The following KALRN variants were observed in gnomAD, a reference collection of about 807,000 sequenced individuals.
The protein encoded by KALRN is kalirin RhoGEF kinase, also known as kalirin.
A neutral mutation model predicts 353.7 loss-of-function variants in KALRN; 70 were observed. The observed-to-expected ratio is 0.20, with a 90% CI of 0.16 to 0.24. The LOEUF is 0.24. KALRN is among the 10% of genes least tolerant of loss of function. The pLI is 1.00. For synonymous variants in KALRN, 1,391 were observed against 1,434.8 expected (o/e 0.97, Z 0.69); for missense variants, 2,791 against 3,756.7 (o/e 0.74, Z 6.72).
chr3:124,654,836 T>C (rs368463589), intron 38 of KALRN, among the ~76,000 whole-genome samples: 1 of 117,884 alleles, frequency 8.5e-6, no homozygotes, highest in Non-Finnish European at 1.9e-5. Context: ...GGTTTTACAA[T>C]ACCTACCTTA....
At chr3:124,602,104 A>G (rs2076871261) in intron 34 of KALRN, among the ~76,000 whole-genome samples, 1 of 152,142 alleles carries the variant, frequency 6.6e-6, no homozygotes, top group Non-Finnish European at 1.5e-5. Flanking sequence ...TTCAATAACC[A>G]TACATACCAG....
At chr3:124,402,200 C>G (rs2090960622) in intron 13 of KALRN, among the ~76,000 whole-genome samples, 1 of 152,210 alleles carries the variant, frequency 6.6e-6, no homozygotes, top group Non-Finnish European at 1.5e-5. Context: ...GCACCAATCT[C>G]TTTGTACTCA....
chr3:124,481,499 G>T (rs1435915289), intron 27 of KALRN, among the ~76,000 whole-genome samples: 1 of 152,152 alleles, frequency 6.6e-6, no homozygotes, highest in African/African-American at 2.4e-5. Flanking sequence ...GAGCCACCAT[G>T]CCCCGCCTGT....
Position 124,658,525 on chromosome 3 carries a change from G to A in KALRN, c.6123+8G>A. 6.2e-7 allele frequency: 1 copy of A among 1,612,516 alleles called. No homozygotes were observed. The highest frequency in any genetic ancestry group is 8.5e-7 in the Non-Finnish European group (1 of 1,178,522). ...TATGACGCCTACTTTGAGGTAAGCT[G>A]TGCAGGCTTTGCTGAACTGGGGTGG... On this transcript the variant is annotated splice_region_variant and intron_variant, in intron 42 of 59. Coordinates refer to ENST00000682506, the MANE Select transcript of KALRN (RefSeq NM_001388419.1).
At chr3:124,126,072 A>G (rs1266278443) in intron 1 of KALRN, among the ~76,000 whole-genome samples, 1 of 152,190 alleles carries the variant, frequency 6.6e-6, no homozygotes, top group East Asian at 1.9e-4. Context: ...TTTTGCCTTC[A>G]TCGTTTGCCT....
chr3:124,529,460 T>C (rs758510910), intron 33 of KALRN, among the ~76,000 whole-genome samples: 20 of 152,116 alleles, frequency 1.3e-4, no homozygotes, highest in Non-Finnish European at 1.9e-4. Context: ...CATGATCTGG[T>C]AGGCAAAACT....
At chr3:124,143,004 T>TC (rs2066826382) in intron 1 of KALRN, among the ~76,000 whole-genome samples, 1 of 152,120 alleles carries the variant, frequency 6.6e-6, no homozygotes, top group Non-Finnish European at 1.5e-5. Flanking sequence ...CTTTTTTTTT[T>TC]CACTTTTCTA....
intron 3 of KALRN, among the ~76,000 whole-genome samples, chr3:124,235,594 G>A (rs1579808617): frequency 6.6e-6 from 1 of 152,200 alleles, no homozygotes; most frequent in African/African-American, 2.4e-5. Context: ...GCAGATACAT[G>A]TCATGTCCTG....
intron 1 of KALRN, among the ~76,000 whole-genome samples, chr3:124,119,638 A>G (rs1253864860): frequency 6.6e-6 from 1 of 152,226 alleles, no homozygotes; most frequent in Non-Finnish European, 1.5e-5. Context: ...ATGAGCAGGG[A>G]TCAGATCATT....
In KALRN at chr3:124,414,855, C is replaced by T. The variant is rs901960382; in HGVS notation, c.2542+1190C>T. On this transcript the variant is annotated intron_variant, in intron 14 of 59. Transcript: ENST00000682506. ...CCATCAACTATAAAACGCAGTTGGG[C>T]CATGTCCCTGCTTATCCTGAAGGAT... is the stretch of plus-strand genomic sequence containing the variant. Among the ~76,000 whole-genome samples, 4 of 152,300 alleles carry T rather than the reference C, an allele frequency of 2.6e-5. No individual in the cohort carries two copies. The South Asian group carries it at 8.3e-4, about 32-fold the overall frequency.
At chr3:124,594,137 C>T (rs13085037) in intron 34 of KALRN, among the ~76,000 whole-genome samples, 40,466 of 152,136 alleles carry the variant, frequency 0.27, 6,034 homozygotes, top group East Asian at 0.43. Context: ...GTATGTTTAC[C>T]GCTTTTTACT....
chr3:124,439,518 AGT>A (rs1256134982), intron 18 of KALRN, among the ~76,000 whole-genome samples: 2 of 152,232 alleles, frequency 1.3e-5, no homozygotes, highest in Admixed American at 1.3e-4. Flanking sequence ...ATTTTTTGAT[AGT>A]AATATCAAAA....
At chr3:124,057,686 G>C (rs2041671388) in intron 1 of KALRN, among the ~76,000 whole-genome samples, 1 of 152,124 alleles carries the variant, frequency 6.6e-6, no homozygotes, top group Admixed American at 6.5e-5. Context: ...CCTGGCCGAG[G>C]CACAGTTGTT....
intron 1 of KALRN, among the ~76,000 whole-genome samples, chr3:124,160,303 C>G (rs1051288125): frequency 6.6e-5 from 10 of 151,950 alleles, no homozygotes; most frequent in African/African-American, 2.2e-4. Flanking sequence ...ATGGGCCAAG[C>G]CATCCCTGCA....
chr3:124,170,374 A>T (rs2071563853), intron 1 of KALRN, among the ~76,000 whole-genome samples: 1 of 152,332 alleles, frequency 6.6e-6, no homozygotes, highest in South Asian at 2.1e-4. Context: ...TGATCTATGC[A>T]TGCAAAATCC....
At chr3:124,619,482 C>CTT (rs59009780) in intron 34 of KALRN, among the ~76,000 whole-genome samples, 12,291 of 104,224 alleles carry the variant, frequency 0.12, 807 homozygotes, top group East Asian at 0.2. Context: ...TATTTTCCTT[C>CTT]TTTTTTTTTT....
chr3:124,675,612 T>A (rs923594454), intron 49 of KALRN, among the ~76,000 whole-genome samples: 1 of 151,596 alleles, frequency 6.6e-6, no homozygotes, highest in Non-Finnish European at 1.5e-5. Flanking sequence ...TTTTTGTTGC[T>A]GAAGTTCTGA....
chr3:124,284,989 GT>G (rs1209319307), intron 5 of KALRN, among the ~76,000 whole-genome samples: 1 of 152,156 alleles, frequency 6.6e-6, no homozygotes, highest in African/African-American at 2.4e-5. Flanking sequence ...ACAGCTGCCA[GT>G]TGTAACAGAG....
intron 1 of KALRN, among the ~76,000 whole-genome samples, chr3:124,041,005 T>C (rs1326735957): frequency 6.6e-6 from 1 of 152,302 alleles, no homozygotes; most frequent in Middle Eastern, 3.4e-3. Context: ...CATTTAATCA[T>C]TTGTTTGAAA....
Sources: gnomAD v4.1 joint callset for allele counts (sites outside exome capture counted in the v4.1 genomes callset) on GRCh38, gnomAD v4.1.1 for gene constraint, MANE v1.5 for transcripts, NCBI Gene and HGNC (gene_info 2026-07-23, HGNC 2026-07-21) for gene names.